Variants in MPP3 observed in about 807,000 individuals in gnomAD.
The protein encoded by MPP3 is MAGUK p55 scaffold protein 3.
MPP3 carries 48 observed loss-of-function variants against 80.7 expected under a neutral mutation model. The observed-to-expected ratio is 0.59, with a 90% CI of 0.47 to 0.76. The LOEUF (loss-of-function observed/expected upper bound fraction) is 0.76, where lower values mean the gene tolerates loss of function less well. Ranked by LOEUF, MPP3 falls within the 30% of genes least tolerant of loss-of-function variation. The pLI is 0.00. For missense variants in MPP3, 620 were observed against 763.0 expected (o/e 0.81, Z 2.21); for synonymous variants, 311 against 297.6 (o/e 1.04, Z -0.46).
At chr17:43,812,933 G>A (rs773293354) in intron 16 of MPP3, among the ~76,000 whole-genome samples, 31 of 152,192 alleles carry the variant, frequency 2.0e-4, no homozygotes, top group Non-Finnish European at 2.9e-4. Flanking sequence ...TTGGGCTGTG[G>A]AAGACAGCTC....
chr17:43,827,259 G>A (rs1486587167), intron 8 of MPP3, among the ~76,000 whole-genome samples: 3 of 150,096 alleles, frequency 2.0e-5, no homozygotes, highest in African/African-American at 4.9e-5. Flanking sequence ...CAGGTGATCC[G>A]CCCACCTCGG....
chr17:43,829,944 C>A (rs2045886270), intron 6 of MPP3, 83 bp downstream of exon 6: 8 of 1,552,770 alleles, frequency 5.2e-6, no homozygotes, highest in South Asian at 1.1e-5. Flanking sequence ...AGTCTCCACT[C>A]CTCAGCCTCA....
At chr17:43,806,969 TTTC>T (rs747528869) in intron 19 of MPP3, among the ~76,000 whole-genome samples, 2 of 151,794 alleles carry the variant, frequency 1.3e-5, no homozygotes, top group East Asian at 3.9e-4. Flanking sequence ...CCCCTTAGAG[TTTC>T]TTGTGTCTTT....
chr17:43,826,832 T>TATATATA (rs1567824060), intron 8 of MPP3, among the ~76,000 whole-genome samples: 16 of 110,742 alleles, frequency 1.4e-4, no homozygotes, highest in African/African-American at 6.1e-4. Context: ...ATATATATAT[T>TATATATA]TTTTTTTTTT....
At chr17:43,816,760 T>C (rs1218945000) in intron 12 of MPP3, 63 bp from the exon 13 acceptor site, 2 of 1,524,682 alleles carry the variant, frequency 1.3e-6, no homozygotes, top group African/African-American at 1.4e-5. Context: ...ACCCTGCGGC[T>C]GAGGGCAGCC....
chr17:43,827,694 G>T, intron 8 of MPP3, 57 bp downstream of exon 8: 3 of 1,554,182 alleles, frequency 1.9e-6, no homozygotes, highest in Non-Finnish European at 8.8e-7. Flanking sequence ...AAGGTGGAGG[G>T]CTCTGGAACA....
intron 7 of MPP3, among the ~76,000 whole-genome samples, chr17:43,828,312 C>T (rs927869969): frequency 2.0e-4 from 30 of 152,184 alleles, no homozygotes; most frequent in Non-Finnish European, 4.4e-5. Context: ...GCCAGGGCTT[C>T]GGGACCAGGA....
At chr17:43,832,164 C>T (rs112605697) in intron 2 of MPP3, 2 of 540,270 alleles carry the variant, frequency 3.7e-6, no homozygotes, top group African/African-American at 2.0e-5. Flanking sequence ...CTATGATAAA[C>T]TTTTTGTCTG....
Position 43,814,277 on chromosome 17 carries a change from G to C in MPP3, c.1094C>G (p.Ser365Cys). 1 of 1,613,100 alleles carries C rather than the reference G, an allele frequency of 6.2e-7. No individual in the cohort carries two copies. The highest frequency in any genetic ancestry group is 8.5e-7 in the Non-Finnish European group (1 of 1,179,996). The change falls in exon 15 of 20, where the codon TCT (serine) becomes TGT (cysteine). Residue 365 changes from serine (S) to cysteine (C), a missense_variant. Ser to Cys is a moderately radical substitution (Grantham distance 112). Coordinates refer to ENST00000398389, the MANE Select transcript of MPP3 (RefSeq NM_001932.6). Reference protein sequence around the residue: ...QEGKMSSGAESPELLTYEEVA... With the variant: ...QEGKMSSGAECPELLTYEEVA... ...CTCTTCGTAAGTCAGCAGCTCCGGA[G>C]ACTCAGCTCCGGAGGACATCTTTCC...
intron 19 of MPP3, among the ~76,000 whole-genome samples, chr17:43,804,208 G>A (rs1245893598): frequency 6.6e-6 from 1 of 152,048 alleles, no homozygotes; most frequent in Non-Finnish European, 1.5e-5. Flanking sequence ...AAAACAAATG[G>A]GCAGATTGAT....
chr17:43,827,735 C>T lies in MPP3; in HGVS notation c.523+16G>A. 6.2e-7 allele frequency: 1 copy of T among 1,608,540 alleles called. No individual in the cohort carries two copies. On this transcript the variant is annotated intron_variant, in intron 8 of 19. Transcript: ENST00000398389. ...CATGATCGGGGCTGGGCCAGCTTTG[C>T]ACTGCCGCCACTCACCGCTCCTGTC...
chr17:43,807,799 A>AT (rs1288833864), intron 19 of MPP3, among the ~76,000 whole-genome samples: 1 of 151,826 alleles, frequency 6.6e-6, no homozygotes, highest in Non-Finnish European at 1.5e-5. Flanking sequence ...CTATAAAAAA[A>AT]TTTTTTTTAA....
intron 9 of MPP3, among the ~76,000 whole-genome samples, chr17:43,824,575 AAAGG>A (rs1368045868): frequency 6.6e-6 from 1 of 152,070 alleles, no homozygotes; most frequent in Non-Finnish European, 1.5e-5. Flanking sequence ...GGGGCCCAAC[AAAGG>A]AAGAATGCAG....
intron 19 of MPP3, among the ~76,000 whole-genome samples, chr17:43,802,791 CAG>C (rs1277489619): frequency 1.2e-4 from 18 of 152,114 alleles, no homozygotes; most frequent in Admixed American, 1.2e-3. Flanking sequence ...TCTAGGGGCT[CAG>C]TGTTTTCATG....
At chr17:43,809,332 C>G (rs1308587305) in intron 18 of MPP3, among the ~76,000 whole-genome samples, 2 of 152,210 alleles carry the variant, frequency 1.3e-5, no homozygotes, top group Non-Finnish European at 2.9e-5. Flanking sequence ...AGCCTCAGCT[C>G]AGAGACAGTT....
chr17:43,832,013 AT>A, intron 2 of MPP3, 70 bp from the exon 3 acceptor site: 1 of 957,772 alleles, frequency 1.0e-6, no homozygotes, highest in Non-Finnish European at 1.7e-6. Flanking sequence ...CTGACTACAC[AT>A]CTACTGTGTT....
intron 7 of MPP3, among the ~76,000 whole-genome samples, chr17:43,828,469 G>A (rs550708920): frequency 3.9e-5 from 6 of 152,208 alleles, no homozygotes; most frequent in Non-Finnish European, 7.3e-5. Flanking sequence ...CCTTGGGTGT[G>A]AACACAGTTC....
At chr17:43,805,664 T>C (rs1006628070) in intron 19 of MPP3, among the ~76,000 whole-genome samples, 3 of 152,180 alleles carry the variant, frequency 2.0e-5, no homozygotes, top group African/African-American at 4.8e-5. Context: ...AAAAACATTA[T>C]ATTAAGTGAA....
In MPP3 at chr17:43,820,913, C is replaced by A; in HGVS notation, c.830G>T (p.Gly277Val). 6.2e-7 allele frequency: 1 copy of A among 1,614,184 alleles called. No individual in the cohort carries two copies. Among genetic ancestry groups the A allele is most frequent in the Non-Finnish European group, 8.5e-7 (1 of 1,180,016 alleles). Residue 277 changes from glycine (G) to valine (V), a missense_variant, in exon 11 of 20, where the codon GGG becomes GTG. Coordinates refer to ENST00000398389, the MANE Select transcript of MPP3 (RefSeq NM_001932.6). ...GAGGCCGGCTCGAAGGTTGGTGTCC[C>A]CGACTCGCTTGGCCTGCCACCACGT... ...DPTWWQAKRV[G>V]DTNLRAGLIP...
Sources: allele counts gnomAD v4.1 joint callset (sites outside exome capture counted in the v4.1 genomes callset), GRCh38; gene constraint gnomAD v4.1.1; transcripts MANE v1.5; gene names NCBI Gene and HGNC (gene_info 2026-07-23, HGNC 2026-07-21).